The following ZNF804B variants were observed in gnomAD, a reference collection of about 807,000 sequenced individuals.
The protein encoded by ZNF804B is zinc finger protein 804B, also known as zinc finger 804B.
Under a neutral mutation model 101.4 loss-of-function variants are expected in ZNF804B, and 80 were observed. The ratio of observed to expected loss-of-function variants is 0.79; its 90% CI spans 0.66 to 0.95. The LOEUF (loss-of-function observed/expected upper bound fraction) is 0.95, where lower values mean the gene tolerates loss of function less well. Ranked by LOEUF, ZNF804B falls within the 40% of genes least tolerant of loss-of-function variation. The pLI is 0.00. For missense variants in ZNF804B, 1,673 were observed against 1,561.9 expected, an observed-to-expected ratio of 1.07 and a Z score of -1.20; for synonymous variants, 622 against 558.8, an observed-to-expected ratio of 1.11 and a Z score of -1.59.
chr7:88,878,960 C>A (rs1051832937), intron 1 of ZNF804B, among the ~76,000 whole-genome samples: 3 of 152,158 alleles, frequency 2.0e-5, no homozygotes, highest in Admixed American at 1.3e-4. Flanking sequence ...AGTCCTCATT[C>A]TACTCATGCT....
chr7:89,307,696 C>T (rs1790586237), intron 2 of ZNF804B, among the ~76,000 whole-genome samples: 1 of 151,858 alleles, frequency 6.6e-6, no homozygotes, highest in African/African-American at 2.4e-5. Flanking sequence ...AATACATTTC[C>T]AGTCACGTTA....
chr7:88,938,774 A>G (rs775769680), intron 1 of ZNF804B, among the ~76,000 whole-genome samples: 2 of 152,096 alleles, frequency 1.3e-5, no homozygotes, highest in Non-Finnish European at 2.9e-5. Context: ...CAAATTAACA[A>G]GAATAAAACT....
At chr7:88,877,049 A>ATATATTT (rs1791962731) in intron 1 of ZNF804B, among the ~76,000 whole-genome samples, 2 of 13,914 alleles carry the variant, frequency 1.4e-4, no homozygotes, top group African/African-American at 8.5e-4. Flanking sequence ...ATATATATAT[A>ATATATTT]TTTTTTTTTT....
chr7:89,123,966 A>G (rs1287373978), intron 1 of ZNF804B, among the ~76,000 whole-genome samples: 3 of 152,162 alleles, frequency 2.0e-5, no homozygotes, highest in Non-Finnish European at 4.4e-5. Flanking sequence ...CTGAAACACA[A>G]CAAAGTGCAA....
At chr7:89,257,430 TA>T (rs1413542889) in intron 2 of ZNF804B, among the ~76,000 whole-genome samples, 1 of 152,138 alleles carries the variant, frequency 6.6e-6, no homozygotes, top group Non-Finnish European at 1.5e-5. Context: ...CTTATAAGCT[TA>T]ATCTCTGAGT....
intron 1 of ZNF804B, among the ~76,000 whole-genome samples, chr7:88,959,488 T>C (rs1232494562): frequency 1.3e-5 from 2 of 151,326 alleles, no homozygotes; most frequent in African/African-American, 4.8e-5. Context: ...TGGAAACTCT[T>C]ATTTTTATTT....
intron 1 of ZNF804B, among the ~76,000 whole-genome samples, chr7:89,087,219 A>G (rs1789818306): frequency 6.6e-6 from 1 of 151,976 alleles, no homozygotes; most frequent in Non-Finnish European, 1.5e-5. Flanking sequence ...AAGCATAAGT[A>G]TGAAAATAAG....
intron 1 of ZNF804B, among the ~76,000 whole-genome samples, chr7:89,164,570 G>A (rs533931862): frequency 5.9e-5 from 9 of 152,158 alleles, no homozygotes; most frequent in East Asian, 3.9e-4. Flanking sequence ...TACAAAATCC[G>A]TGGTTTTTAT....
chr7:89,075,452 G>A (rs192353411), intron 1 of ZNF804B, among the ~76,000 whole-genome samples: 2 of 152,198 alleles, frequency 1.3e-5, no homozygotes, highest in South Asian at 2.1e-4. Flanking sequence ...TCAAGCCTTG[G>A]CAGCTTCCAT....
At position 89,338,078 on chromosome 7, in the gene ZNF804B, A is replaced by G. The variant is rs1332385750; in HGVS notation, c.*1046A>G. On this transcript the variant is annotated 3_prime_UTR_variant, in exon 4 of 4. Transcript: ENST00000333190. Reference sequence around the variant, plus strand: ...TGTAATGTTGCAAATAATTTCAAACATTCATTCAAAATGGTTTTTGGCCGC... The same window carrying G: ...TGTAATGTTGCAAATAATTTCAAACGTTCATTCAAAATGGTTTTTGGCCGC... 1.3e-5 allele frequency among the ~76,000 whole-genome samples: 2 copies of G among 152,124 alleles called. No individual in the cohort carries two copies. Among genetic ancestry groups the G allele is most frequent in the African/African-American group, 4.8e-5 (2 of 41,462 alleles).
intron 1 of ZNF804B, among the ~76,000 whole-genome samples, chr7:88,982,939 C>A (rs903414011): frequency 7.9e-5 from 12 of 152,008 alleles, no homozygotes; most frequent in East Asian, 3.9e-4. Flanking sequence ...CCAGTGATAC[C>A]CATAAAGTCC....
At chr7:88,913,401 G>T (rs1792581053) in intron 1 of ZNF804B, among the ~76,000 whole-genome samples, 1 of 151,948 alleles carries the variant, frequency 6.6e-6, no homozygotes, top group Non-Finnish European at 1.5e-5. Context: ...AGAGTCTGAT[G>T]CTTTTTCTTC....
chr7:89,093,113 TC>T (rs1352445146), intron 1 of ZNF804B, among the ~76,000 whole-genome samples: 11 of 152,170 alleles, frequency 7.2e-5, no homozygotes, highest in Admixed American at 7.2e-4. Flanking sequence ...TCCAGCTATC[TC>T]CCTTAACTTA....
At chr7:89,297,604 G>A (rs1337551660) in intron 2 of ZNF804B, among the ~76,000 whole-genome samples, 1 of 151,906 alleles carries the variant, frequency 6.6e-6, no homozygotes, top group Non-Finnish European at 1.5e-5. Flanking sequence ...ACTTTATTTG[G>A]GGGTAGGGTA....
At chr7:88,801,742 AAG>A (rs1242558975) in intron 1 of ZNF804B, among the ~76,000 whole-genome samples, 6 of 152,106 alleles carry the variant, frequency 3.9e-5, no homozygotes, top group African/African-American at 1.4e-4. Flanking sequence ...TTGAAATATA[AAG>A]ACAGTTTTTA....
At chr7:89,313,963 A>G (rs1282015713) in intron 2 of ZNF804B, among the ~76,000 whole-genome samples, 1 of 152,164 alleles carries the variant, frequency 6.6e-6, no homozygotes, top group African/African-American at 2.4e-5. Context: ...AAAGACATGA[A>G]TTAGATGCTT....
intron 1 of ZNF804B, among the ~76,000 whole-genome samples, chr7:89,145,417 A>T (rs1307746443): frequency 6.6e-6 from 1 of 152,018 alleles, no homozygotes. Flanking sequence ...GAGATATTTT[A>T]AACATGAGGT....
chr7:88,873,268 AT>A lies in ZNF804B; in HGVS notation c.108+113188del, dbSNP rs569976736. 1.6e-4 allele frequency among the ~76,000 whole-genome samples: 25 copies of A among 152,136 alleles called. 1 individual carries two copies. The South Asian group carries it at 5.2e-3, about 32-fold the overall frequency. ...TGTTTTTTGGCTGGATAAATGTCTTATTTTGAGAAGTGTCTGTTCATGTCCT... is the reference window on the plus strand; with the variant it reads ...TGTTTTTTGGCTGGATAAATGTCTTATTTGAGAAGTGTCTGTTCATGTCCT... On this transcript the variant is annotated intron_variant, in intron 1 of 3. Transcript: ENST00000333190.
intron 1 of ZNF804B, among the ~76,000 whole-genome samples, chr7:89,082,978 CA>C (rs1395347841): frequency 3.3e-5 from 5 of 151,464 alleles, no homozygotes; most frequent in African/African-American, 9.7e-5. Context: ...TTACTATTAA[CA>C]GAAAAATTAT....
Sources: gnomAD v4.1 joint callset for allele counts (sites outside exome capture counted in the v4.1 genomes callset) on GRCh38, gnomAD v4.1.1 for gene constraint, MANE v1.5 for transcripts, NCBI Gene and HGNC (gene_info 2026-07-23, HGNC 2026-07-21) for gene names.